Variants in ZNF385D observed in about 807,000 individuals in gnomAD.
ZNF385D encodes the protein zinc finger protein 385D, also known as zinc finger protein 659.
A neutral mutation model predicts 35.8 loss-of-function variants in ZNF385D; 15 were observed. That is an observed-to-expected ratio of 0.42 (90% confidence interval 0.28 to 0.64). The LOEUF (loss-of-function observed/expected upper bound fraction) is 0.64, where lower values mean the gene tolerates loss of function less well. Among genes scored for constraint, ZNF385D ranks in the 30% least tolerant of loss-of-function variants. The pLI, the probability that ZNF385D is intolerant of heterozygous loss-of-function variation, is 0.23. For synonymous variants in ZNF385D, 212 were observed against 186.8 expected (o/e 1.13, Z -1.10); for missense variants, 474 against 494.6 (o/e 0.96, Z 0.39).
At chr3:21,743,966 C>T (rs1256371829) in intron 1 of ZNF385D, among the ~76,000 whole-genome samples, 1 of 152,188 alleles carries the variant, frequency 6.6e-6, no homozygotes, top group African/African-American at 2.4e-5. Context: ...ACTCATTTCT[C>T]AAGCTATTGG....
intron 3 of ZNF385D, among the ~76,000 whole-genome samples, chr3:21,558,762 T>A (rs1033079265): frequency 2.7e-5 from 4 of 150,392 alleles, no homozygotes. Flanking sequence ...CCCACTATTA[T>A]TGTGTGGGAA....
At chr3:21,771,537 C>G (rs1272263689) in intron 3 of ZNF385D, among the ~76,000 whole-genome samples, 1 of 151,568 alleles carries the variant, frequency 6.6e-6, no homozygotes, top group Non-Finnish European at 1.5e-5. Flanking sequence ...GATGACAACT[C>G]TACCAGACAA....
intron 3 of ZNF385D, among the ~76,000 whole-genome samples, chr3:22,031,694 G>A (rs1259933046): frequency 1.3e-5 from 2 of 152,168 alleles, no homozygotes; most frequent in South Asian, 2.1e-4. Context: ...TCCCCATTGT[G>A]CTGGTTATTA....
At chr3:22,162,261 A>G (rs914350962) in intron 3 of ZNF385D, among the ~76,000 whole-genome samples, 1 of 152,154 alleles carries the variant, frequency 6.6e-6, no homozygotes, top group Non-Finnish European at 1.5e-5. Context: ...TTTCTTTGGC[A>G]TATTTTAAGA....
intron 3 of ZNF385D, among the ~76,000 whole-genome samples, chr3:22,030,236 T>A (rs1215022481): frequency 9.4e-6 from 1 of 105,944 alleles, no homozygotes; most frequent in Non-Finnish European, 1.9e-5. Context: ...TCATGCAAGT[T>A]AATACTTAAT....
At chr3:22,244,319 G>A (rs114341982) in intron 2 of ZNF385D, among the ~76,000 whole-genome samples, 1,782 of 127,014 alleles carry the variant, frequency 0.014, 86 homozygotes, top group African/African-American at 0.05. Flanking sequence ...AAACTCTCTC[G>A]CTCTTACTTA....
At chr3:21,895,059 C>G (rs1189609647) in intron 3 of ZNF385D, among the ~76,000 whole-genome samples, 1 of 152,012 alleles carries the variant, frequency 6.6e-6, no homozygotes, top group Non-Finnish European at 1.5e-5. Flanking sequence ...AGCTACGCAA[C>G]AGATGGTAAA....
At chr3:21,909,325 G>A (rs1699847557) in intron 3 of ZNF385D, among the ~76,000 whole-genome samples, 1 of 152,004 alleles carries the variant, frequency 6.6e-6, no homozygotes, top group Non-Finnish European at 1.5e-5. Context: ...AAAAGTTCAT[G>A]TAACAACACA....
In ZNF385D at chr3:21,873,358, A is replaced by T. The variant is rs556233377; in HGVS notation, c.326-208330T>A. On this transcript the variant is annotated intron_variant, in intron 3 of 5. Transcript: ENST00000494108. ...TAAATCTCATCAATTTAAATGGATT[A>T]TCCAAAGGCACACAGGAAGTGGCAT... Among the ~76,000 whole-genome samples, 3 of 152,256 alleles carry T rather than the reference A, an allele frequency of 2.0e-5. No homozygotes were observed. The South Asian group carries it at 6.2e-4, about 32-fold the overall frequency.
chr3:22,069,486 G>A (rs1334941273), intron 3 of ZNF385D, among the ~76,000 whole-genome samples: 1 of 152,160 alleles, frequency 6.6e-6, no homozygotes, highest in East Asian at 1.9e-4. Flanking sequence ...CAATATAAAG[G>A]TAACATAAAC....
chr3:22,347,443 C>T (rs1051362222), intron 2 of ZNF385D, among the ~76,000 whole-genome samples: 4 of 152,062 alleles, frequency 2.6e-5, no homozygotes, highest in African/African-American at 9.7e-5. Context: ...TGATCTATAG[C>T]CCCCAAGGAA....
chr3:21,587,190 G>C (rs2063837365), intron 2 of ZNF385D, among the ~76,000 whole-genome samples: 1 of 152,080 alleles, frequency 6.6e-6, no homozygotes, highest in Non-Finnish European at 1.5e-5. Flanking sequence ...AGCAATATTA[G>C]GTGAAAAGGA....
At chr3:22,107,791 G>T (rs2125637760) in intron 3 of ZNF385D, among the ~76,000 whole-genome samples, 1 of 152,002 alleles carries the variant, frequency 6.6e-6, no homozygotes, top group Admixed American at 6.6e-5. Context: ...TATGTAGTGT[G>T]GTATTAATAG....
intron 2 of ZNF385D, among the ~76,000 whole-genome samples, chr3:21,614,279 C>A (rs1258045878): frequency 1.3e-5 from 2 of 152,096 alleles, no homozygotes; most frequent in Non-Finnish European, 2.9e-5. Flanking sequence ...TCTGTGTGTT[C>A]AGGAGTCAAG....
At chr3:21,605,023 G>A (rs957119910) in intron 2 of ZNF385D, among the ~76,000 whole-genome samples, 1 of 152,188 alleles carries the variant, frequency 6.6e-6, no homozygotes, top group Admixed American at 6.5e-5. Context: ...GCATGAGAAT[G>A]AAAGATTCTG....
At chr3:21,667,613 T>C (rs1217016249) in intron 1 of ZNF385D, among the ~76,000 whole-genome samples, 2 of 152,240 alleles carry the variant, frequency 1.3e-5, no homozygotes, top group East Asian at 3.8e-4. Context: ...AACTCTGCAG[T>C]TGTTTATCTT....
chr3:22,171,812 G>C (rs1376198611), intron 2 of ZNF385D, among the ~76,000 whole-genome samples: 1 of 149,060 alleles, frequency 6.7e-6, no homozygotes, highest in Non-Finnish European at 1.5e-5. Flanking sequence ...GGGAGGTAGA[G>C]CTTGCAGTGA....
At chr3:21,608,001 T>C (rs754315698) in intron 2 of ZNF385D, among the ~76,000 whole-genome samples, 10 of 146,114 alleles carry the variant, frequency 6.8e-5, no homozygotes, top group Non-Finnish European at 1.5e-4. Flanking sequence ...AAAGATGTAA[T>C]TCTTTTTCTT....
intron 3 of ZNF385D, among the ~76,000 whole-genome samples, chr3:22,065,166 G>C (rs1247813569): frequency 6.6e-6 from 1 of 152,146 alleles, no homozygotes; most frequent in Non-Finnish European, 1.5e-5. Context: ...TGTGGAGTTA[G>C]TAAGTCTTAG....
Sources: gnomAD v4.1 joint callset for allele counts (sites outside exome capture counted in the v4.1 genomes callset) on GRCh38, gnomAD v4.1.1 for gene constraint, MANE v1.5 for transcripts, NCBI Gene and HGNC (gene_info 2026-07-23, HGNC 2026-07-21) for gene names.